CP: variants seen among roughly 807,000 people sequenced by gnomAD.
CP encodes the protein caeruloplasmin.
In CP, 64 loss-of-function variants were observed where a neutral mutation model predicts 122.4. That is an observed-to-expected ratio of 0.52 (90% CI 0.43 to 0.64). CP has a LOEUF of 0.64. Ranked by LOEUF, CP falls within the 30% of genes least tolerant of loss-of-function variation. CP has a pLI of 0.00. For synonymous variants in CP, 440 were observed against 436.4 expected, an observed-to-expected ratio of 1.01 and a Z score of -0.10; for missense variants, 1,167 against 1,284.4, an observed-to-expected ratio of 0.91 and a Z score of 1.40.
intron 4 of CP, chr3:149,166,928 T>A: frequency 1.2e-6 from 1 of 857,958 alleles, no homozygotes; most frequent in Non-Finnish European, 2.0e-6. Flanking sequence ...TTCTTTCTAT[T>A]TTATTTTTGG....
chr3:149,197,645 A>G (rs2108267035), intron 9 of CP, among the ~76,000 whole-genome samples: 1 of 152,328 alleles, frequency 6.6e-6, no homozygotes, highest in Non-Finnish European at 1.5e-5. Flanking sequence ...TTCACGGAAG[A>G]CATTTTTTCT....
chr3:149,214,111 C>G (rs1230684444), intron 1 of CP, among the ~76,000 whole-genome samples: 1 of 152,074 alleles, frequency 6.6e-6, no homozygotes, highest in Non-Finnish European at 1.5e-5. Context: ...TGAAGAGGCT[C>G]TAAGGTTGAA....
chr3:149,174,662 G>A (rs1725294319), intron 18 of CP, among the ~76,000 whole-genome samples: 1 of 152,146 alleles, frequency 6.6e-6, no homozygotes, highest in Admixed American at 6.5e-5. Flanking sequence ...GTCCCTGCCT[G>A]TAAGAAATTT....
chr3:149,184,275 TC>T (rs1048777484), intron 12 of CP, among the ~76,000 whole-genome samples: 2 of 152,026 alleles, frequency 1.3e-5, no homozygotes, highest in African/African-American at 4.8e-5. Context: ...GACCTCGTGA[TC>T]CGCCCGCCTC....
intron 14 of CP, 32 bp downstream of exon 14, chr3:149,181,973 T>TGCGGGGGGG: frequency 3.6e-6 from 5 of 1,375,572 alleles, no homozygotes; most frequent in Non-Finnish European, 5.2e-6. Context: ...CCTGTTAAAA[T>TGCGGGGGGG]GCACCACCCC....
rs1300815634 is a variant in CP at position 149,210,377 on chromosome 3, C to A, written c.397G>T (p.Ala133Ser). Reference protein sequence around the residue: ...GITYYKEHEGAIYPDNTTDFQ... With the variant: ...GITYYKEHEGSIYPDNTTDFQ... The stretch of plus-strand genomic sequence containing the variant: ...TCTGTGGTGTTATCAGGGTAGATGG[C>A]CCCTAGGAAGCAACATGCAATGAAG... Residue 133 changes from alanine (A) to serine (S), a missense_variant and splice_region_variant, in exon 3 of 19, where the codon GCC (alanine) becomes TCC (serine). By Grantham distance (99) the Ala-to-Ser change is moderately conservative. Around this residue, in one of 2 missense-constraint regions of CP, gnomAD observed 642 missense variants for 627.3 expected, o/e 1.02. Coordinates refer to ENST00000264613, the MANE Select transcript of CP (RefSeq NM_000096.4). 2 of 1,613,816 alleles carry A rather than the reference C, an allele frequency of 1.2e-6. No homozygotes were observed. The highest frequency in any genetic ancestry group is 1.7e-6 in the Non-Finnish European group (2 of 1,179,790).
chr3:149,202,048 T>C (rs2108277482), intron 7 of CP, 54 bp downstream of exon 7: 1 of 1,611,222 alleles, frequency 6.2e-7, no homozygotes, highest in Non-Finnish European at 8.5e-7. Flanking sequence ...TTTCTGAGGT[T>C]GATGTAGCCC....
chr3:149,212,148 T>C (rs34230520), intron 2 of CP, among the ~76,000 whole-genome samples: 1 of 148,620 alleles, frequency 6.7e-6, no homozygotes, highest in East Asian at 2.0e-4. Context: ...AAAAAAAAAA[T>C]AAAAATAAAA....
At chr3:149,203,025 G>A (rs1400440022) in intron 6 of CP, among the ~76,000 whole-genome samples, 2 of 148,248 alleles carry the variant, frequency 1.3e-5, no homozygotes, top group South Asian at 4.3e-4. Context: ...TCCTGCCTCA[G>A]CCTCCCGAGT....
rs1385334972 is a variant in CP at position 149,199,821 on chromosome 3, G to A, written c.1392C>T (p.Thr464=). 1.9e-6 allele frequency: 3 copies of A among 1,614,098 alleles called. No homozygotes were observed. In the East Asian group the frequency reaches 6.7e-5, roughly 36 times the overall value. The part of the protein sequence containing the change: ...WAEVGDTIRV[T]FHNKGAYPLS... ...GGGGATATGCTCCTTTGTTATGGAA[G>A]GTTACTCTGATGGTGTCTCCCACCT... The change falls in exon 8 of 19, where the codon ACC becomes ACT. Residue 464 remains threonine (T), a synonymous_variant. Transcript: ENST00000264613.
chr3:149,173,038 T>C lies in CP; in HGVS notation c.*676A>G, dbSNP rs1374051660. ...TAGTTCATTGATATTATCCTCTGAA[T>C]GCAGTTAAGGCTGGGCAGAAATTCT... On this transcript the variant is annotated 3_prime_UTR_variant, in exon 19 of 19. Transcript: ENST00000264613. 6.6e-6 allele frequency: 1 copy of C among 152,550 alleles called. No homozygotes were observed. The highest frequency in any genetic ancestry group is 6.5e-5 in the Admixed American group (1 of 15,278). 9.4% of individuals were successfully genotyped at this position (152,550 alleles called of 1,614,324 possible).
intron 3 of CP, among the ~76,000 whole-genome samples, 190 bp downstream of exon 3, chr3:149,209,977 G>A (rs1727998338): frequency 6.6e-6 from 1 of 152,106 alleles, no homozygotes; most frequent in Non-Finnish European, 1.5e-5. Context: ...TTTCCCCGTA[G>A]GAATGCTTGT....
At chr3:149,215,355 C>A (rs907152329) in intron 1 of CP, among the ~76,000 whole-genome samples, 1 of 152,118 alleles carries the variant, frequency 6.6e-6, no homozygotes, top group Non-Finnish European at 1.5e-5. Flanking sequence ...AAGACCAAGA[C>A]CTATATTGCC....
intron 10 of CP, among the ~76,000 whole-genome samples, chr3:149,186,935 G>A (rs1726218991): frequency 6.6e-6 from 1 of 152,194 alleles, no homozygotes; most frequent in African/African-American, 2.4e-5. Context: ...AAGGAGCAGA[G>A]CTGAATGCAT....
intron 15 of CP, 119 bp from the exon 16 acceptor site, chr3:149,178,750 G>A (rs546325449): frequency 2.7e-6 from 2 of 735,368 alleles, no homozygotes; most frequent in East Asian, 2.7e-5. Flanking sequence ...AACAGACTTT[G>A]CCCAATGTGG....
At chr3:149,184,984 G>C (rs1726054936) in intron 12 of CP, among the ~76,000 whole-genome samples, 1 of 152,150 alleles carries the variant, frequency 6.6e-6, no homozygotes, top group Non-Finnish European at 1.5e-5. Context: ...AATGTGAGAA[G>C]ACACTCCAGT....
intron 14 of CP, chr3:149,180,147 GA>G (rs1576731640): frequency 1.1e-5 from 2 of 189,978 alleles, no homozygotes; most frequent in East Asian, 2.7e-4. Flanking sequence ...CCTCTCTCAT[GA>G]TCATCCTTAG....
At chr3:149,210,509 T>G (rs1728039177) in intron 2 of CP, 130 bp from the exon 3 acceptor site, 1 of 827,268 alleles carries the variant, frequency 1.2e-6, no homozygotes, top group Admixed American at 2.0e-5. Context: ...GGATGTGTTA[T>G]CCTATTTGGA....
intron 1 of CP, among the ~76,000 whole-genome samples, chr3:149,215,293 T>C (rs1158397655): frequency 6.6e-6 from 1 of 152,246 alleles, no homozygotes; most frequent in African/African-American, 2.4e-5. Flanking sequence ...GCTCCTGTAT[T>C]AATCATTTCC....
Sources: allele counts gnomAD v4.1 joint callset (sites outside exome capture counted in the v4.1 genomes callset), GRCh38; gene constraint gnomAD v4.1.1; regional missense constraint gnomAD v4.1.1; transcripts MANE v1.5; gene names NCBI Gene and HGNC (gene_info 2026-07-23, HGNC 2026-07-21).